The following XKR6 variants were observed in gnomAD, a reference collection of about 807,000 sequenced individuals.
XKR6 encodes XK-related protein 6.
XKR6 carries 22 observed loss-of-function variants against 56.7 expected under a neutral mutation model. That is an observed-to-expected ratio of 0.39 (90% CI 0.28 to 0.55). The LOEUF (loss-of-function observed/expected upper bound fraction) is 0.55, where lower values mean the gene tolerates loss of function less well. Ranked by LOEUF, XKR6 falls within the 20% of genes least tolerant of loss-of-function variation. The pLI, the probability that XKR6 is intolerant of heterozygous loss-of-function variation, is 0.66. For missense variants in XKR6, 852 were observed against 889.0 expected (o/e 0.96, Z 0.53); for synonymous variants, 524 against 387.8 (o/e 1.35, Z -4.13).
At chr8:11,015,598 G>A (rs537247164) in intron 1 of XKR6, among the ~76,000 whole-genome samples, 9 of 152,188 alleles carry the variant, frequency 5.9e-5, no homozygotes, top group Non-Finnish European at 1.2e-4. Flanking sequence ...AAGCCAGGGG[G>A]CTCTGGGCTT....
At chr8:11,111,691 T>C (rs903597666) in intron 1 of XKR6, 3 of 152,134 alleles carry the variant, frequency 2.0e-5, no homozygotes, top group African/African-American at 4.8e-5. Context: ...TGATAGCTGA[T>C]AATGAGAGAC....
intron 1 of XKR6, among the ~76,000 whole-genome samples, chr8:10,977,983 C>G (rs1282376604): frequency 7.2e-5 from 11 of 152,148 alleles, no homozygotes; most frequent in Admixed American, 7.2e-4. Flanking sequence ...ATGTCTCCAG[C>G]TTTCAGGTTT....
At chr8:11,124,672 A>G (rs1360540655) in intron 1 of XKR6, 1 of 152,946 alleles carries the variant, frequency 6.5e-6, no homozygotes, top group Admixed American at 6.5e-5. Flanking sequence ...GGTTGGAGGG[A>G]GGCACAGGAA....
chr8:11,082,712 T>C (rs375519609), intron 1 of XKR6, among the ~76,000 whole-genome samples: 9 of 152,288 alleles, frequency 5.9e-5, no homozygotes, highest in African/African-American at 1.9e-4. Flanking sequence ...CTTTCCTCAG[T>C]TCCTTTTAAC....
intron 1 of XKR6, among the ~76,000 whole-genome samples, chr8:11,117,815 A>C (rs1471451848): frequency 6.6e-6 from 1 of 152,208 alleles, no homozygotes; most frequent in Non-Finnish European, 1.5e-5. Flanking sequence ...ATTCCCAAGA[A>C]AAAGAAAACC....
intron 1 of XKR6, among the ~76,000 whole-genome samples, chr8:10,988,241 AT>A (rs768378161): frequency 5.9e-5 from 9 of 152,036 alleles, no homozygotes; most frequent in Non-Finnish European, 8.8e-5. Context: ...GGGGGTATGG[AT>A]TCTTAATCTG....
chr8:11,146,575 G>A (rs1800996483), intron 1 of XKR6, among the ~76,000 whole-genome samples: 2 of 149,464 alleles, frequency 1.3e-5, no homozygotes, highest in African/African-American at 2.5e-5. Flanking sequence ...GCTGCAGTGA[G>A]TCAATATCAT....
intron 1 of XKR6, among the ~76,000 whole-genome samples, chr8:10,980,487 G>A (rs1034103778): frequency 7.2e-5 from 11 of 152,206 alleles, no homozygotes; most frequent in Non-Finnish European, 1.6e-4. Context: ...CATTCATTGT[G>A]TTCACTGCTG....
At chr8:10,985,181 T>A (rs1178625775) in intron 1 of XKR6, among the ~76,000 whole-genome samples, 1 of 152,114 alleles carries the variant, frequency 6.6e-6, no homozygotes, top group Non-Finnish European at 1.5e-5. Flanking sequence ...CATCTTGAAT[T>A]GTAGCTCCCA....
At chr8:11,181,340 G>C (rs1240950867) in intron 1 of XKR6, among the ~76,000 whole-genome samples, 1 of 152,146 alleles carries the variant, frequency 6.6e-6, no homozygotes, top group African/African-American at 2.4e-5. Flanking sequence ...GCTAGACAAT[G>C]TTTTGACTTT....
At chr8:11,027,278 T>C (rs1163116485) in intron 1 of XKR6, among the ~76,000 whole-genome samples, 1 of 152,226 alleles carries the variant, frequency 6.6e-6, no homozygotes, top group Non-Finnish European at 1.5e-5. Context: ...CAGTCCACCA[T>C]TGACTGAAAT....
intron 1 of XKR6, among the ~76,000 whole-genome samples, chr8:10,986,131 G>A (rs1797858936): frequency 1.3e-5 from 2 of 152,214 alleles, no homozygotes; most frequent in African/African-American, 4.8e-5. Flanking sequence ...ACAGACTGAA[G>A]ATCACACTGG....
chr8:11,185,198 T>C (rs1014858398), intron 1 of XKR6, among the ~76,000 whole-genome samples: 1 of 152,216 alleles, frequency 6.6e-6, no homozygotes, highest in Non-Finnish European at 1.5e-5. Context: ...GGATAGGCTC[T>C]GACCACCTGT....
intron 1 of XKR6, among the ~76,000 whole-genome samples, chr8:10,977,019 G>A (rs1215307702): frequency 6.6e-6 from 1 of 152,132 alleles, no homozygotes; most frequent in Non-Finnish European, 1.5e-5. Flanking sequence ...ACCAGAAAAG[G>A]ATGAACAGCT....
At chr8:10,985,126 G>A (rs975313269) in intron 1 of XKR6, among the ~76,000 whole-genome samples, 4 of 151,854 alleles carry the variant, frequency 2.6e-5, no homozygotes, top group African/African-American at 9.7e-5. Flanking sequence ...TCTATTTTTT[G>A]TGGAGAGGGG....
At chr8:11,048,211 T>C (rs960521019) in intron 1 of XKR6, among the ~76,000 whole-genome samples, 1 of 152,158 alleles carries the variant, frequency 6.6e-6, no homozygotes, top group Non-Finnish European at 1.5e-5. Context: ...TGAACTTCCG[T>C]ATCTCACCGA....
At chr8:11,044,580 C>A (rs995243798) in intron 1 of XKR6, among the ~76,000 whole-genome samples, 1 of 152,098 alleles carries the variant, frequency 6.6e-6, no homozygotes, top group South Asian at 2.1e-4. Flanking sequence ...TATATTCCCT[C>A]AGATCATCCT....
chr8:10,999,479 TTC>T (rs1798190313), intron 1 of XKR6, among the ~76,000 whole-genome samples: 1 of 152,376 alleles, frequency 6.6e-6, no homozygotes, highest in African/African-American at 2.4e-5. Flanking sequence ...AGTGAGAGTT[TTC>T]TTTTTATATA....
intron 1 of XKR6, among the ~76,000 whole-genome samples, chr8:11,158,949 T>C (rs562449631): frequency 2.6e-5 from 4 of 152,226 alleles, no homozygotes; most frequent in Non-Finnish European, 4.4e-5. Flanking sequence ...GAGGACCCGC[T>C]TGCCGGCACT....
Sources: gnomAD v4.1 joint callset for allele counts (sites outside exome capture counted in the v4.1 genomes callset) on GRCh38, gnomAD v4.1.1 for gene constraint, MANE v1.5 for transcripts, NCBI Gene and HGNC (gene_info 2026-07-23, HGNC 2026-07-21) for gene names.